The following MTAP variants were observed in gnomAD, a reference collection of about 807,000 sequenced individuals.
The protein encoded by MTAP is S-methyl-5'-thioadenosine phosphorylase.
MTAP carries 33 observed loss-of-function variants against 33.6 expected under a neutral mutation model. That is an observed-to-expected ratio of 0.98 (90% confidence interval 0.74 to 1.31). MTAP has a LOEUF of 1.31. MTAP is among the 40% of genes most tolerant of loss of function. MTAP has a pLI of 0.00. For synonymous variants in MTAP, 148 were observed against 125.7 expected, an observed-to-expected ratio of 1.18 and a Z score of -1.19; for missense variants, 367 against 360.0, an observed-to-expected ratio of 1.02 and a Z score of -0.16.
rs564524597 is a variant in MTAP at position 21,859,533 on chromosome 9, G to GT, written c.813+112dup. ...TCATGTATTTTATGCCAGCCTAGATGTTTTCAACAAGTTTTTGTGACATCT... is the reference window on the plus strand; with the variant it reads ...TCATGTATTTTATGCCAGCCTAGATGTTTTTCAACAAGTTTTTGTGACATCT... On this transcript the variant is annotated intron_variant, in intron 7 of 7. Transcript: ENST00000644715. 644 of 1,313,648 alleles carry GT rather than the reference G, an allele frequency of 4.9e-4. 3 individuals carry two copies. In the African/African-American group the frequency reaches 9.1e-3, roughly 19 times the overall value. The allele number at this position is 1,313,648 out of a possible 1,614,324, so 81.4% of individuals were successfully genotyped here. A position where few individuals can be genotyped will look rare whatever the true frequency, so the allele number is the denominator to read the frequency against.
At chr9:21,807,528 A>T (rs182172637) in intron 1 of MTAP, among the ~76,000 whole-genome samples, 147 of 152,290 alleles carry the variant, frequency 9.7e-4, no homozygotes, top group Non-Finnish European at 3.8e-4. Flanking sequence ...ATTGCAGGAC[A>T]TGGAGTACAA....
chr9:21,877,986 A>C (rs11526324), intron 1 of MTAP, among the ~76,000 whole-genome samples: 35,100 of 151,926 alleles, frequency 0.23, 4,374 homozygotes, highest in East Asian at 0.41. Flanking sequence ...CTGTCTAGAC[A>C]TGAGCTTTTT....
chr9:21,829,929 T>G (rs962473993), intron 4 of MTAP, among the ~76,000 whole-genome samples: 17 of 152,192 alleles, frequency 1.1e-4, no homozygotes, highest in African/African-American at 4.1e-4. Flanking sequence ...GAAAATCTTT[T>G]TTTTTCTTCT....
chr9:21,809,752 A>G lies in MTAP; in HGVS notation c.34-5681A>G, dbSNP rs966842683. 1.1e-4 allele frequency among the ~76,000 whole-genome samples: 16 copies of G among 152,344 alleles called. No homozygotes were observed. The South Asian group carries it at 2.9e-3, about 28-fold the overall frequency. On this transcript the variant is annotated intron_variant, in intron 1 of 7. Transcript: ENST00000644715. ...TTAAAAACAAACTACGCCTTGCCCAACTAATCAGAATCCCTGAGGCCTGGG... is the reference window on the plus strand; with the variant it reads ...TTAAAAACAAACTACGCCTTGCCCAGCTAATCAGAATCCCTGAGGCCTGGG...
At chr9:21,847,186 C>A (rs1825404784) in intron 5 of MTAP, among the ~76,000 whole-genome samples, 1 of 152,194 alleles carries the variant, frequency 6.6e-6, no homozygotes, top group Non-Finnish European at 1.5e-5. Context: ...ATTTTTGGAA[C>A]TCTGACTGGC....
At chr9:21,826,680 T>G (rs1824817060) in intron 4 of MTAP, among the ~76,000 whole-genome samples, 1 of 151,108 alleles carries the variant, frequency 6.6e-6, no homozygotes. Flanking sequence ...TATTGTTCCT[T>G]TACCCCCCCA....
intron 1 of MTAP, among the ~76,000 whole-genome samples, chr9:21,890,064 G>T (rs1056047666): frequency 2.0e-5 from 3 of 152,024 alleles, no homozygotes; most frequent in East Asian, 3.9e-4. Context: ...ACCATCAGGT[G>T]GGGGCAGGAT....
chr9:21,802,797 C>T lies in MTAP; in HGVS notation c.33+16C>T. ...CGCCGTGAAGGTGAGATGAGCCCTC[C>T]CAGCCGCAGCGGTTCGCCCTGCCGG... On this transcript the variant is annotated intron_variant, in intron 1 of 7. Coordinates refer to ENST00000644715, the MANE Select transcript of MTAP (RefSeq NM_002451.4). The T allele has an allele frequency of 1.2e-6, 2 of 1,612,792 alleles. No individual in the cohort carries two copies. The highest frequency in any genetic ancestry group is 1.7e-6 in the Non-Finnish European group (2 of 1,179,698).
intron 1 of MTAP, among the ~76,000 whole-genome samples, chr9:21,885,106 A>G (rs1395070537): frequency 6.6e-6 from 1 of 152,112 alleles, no homozygotes; most frequent in African/African-American, 2.4e-5. Flanking sequence ...TTCATACTTT[A>G]TATATAAATT....
chr9:21,814,207 TTGTG>T (rs1554641802), intron 1 of MTAP, among the ~76,000 whole-genome samples: 1 of 152,202 alleles, frequency 6.6e-6, no homozygotes, highest in Admixed American at 6.5e-5. Context: ...GTTGCTTTTT[TTGTG>T]TGTGTGTTTT....
downstream of MTAP, among the ~76,000 whole-genome samples, chr9:21,869,589 C>A (rs1314956790): frequency 6.6e-6 from 1 of 152,192 alleles, no homozygotes; most frequent in Non-Finnish European, 1.5e-5. Flanking sequence ...TTCCCCTACA[C>A]CTGCTTTCCC....
At chr9:21,910,593 A>G (rs1818556593) in intron 1 of MTAP, among the ~76,000 whole-genome samples, 1 of 152,210 alleles carries the variant, frequency 6.6e-6, no homozygotes, top group African/African-American at 2.4e-5. Flanking sequence ...AAAGAGTAGT[A>G]GGAAATAAAG....
chr9:21,901,132 T>A (rs1465369372), intron 1 of MTAP, among the ~76,000 whole-genome samples: 1 of 152,174 alleles, frequency 6.6e-6, no homozygotes, highest in Non-Finnish European at 1.5e-5. Context: ...AGTTTACCAT[T>A]GTAACACACC....
chr9:21,862,139 T>A lies in MTAP; in HGVS notation c.*125T>A. ...TCATGCCCTTGCCTATCAAAGAGTA[T>A]GTTGTAAGAAAGACAAGACATTGTG... On this transcript the variant is annotated 3_prime_UTR_variant, in exon 8 of 8. Transcript: ENST00000644715. 6.4e-7 allele frequency: 1 copy of A among 1,554,870 alleles called. No individual in the cohort carries two copies. The highest frequency in any genetic ancestry group is 8.7e-7 in the Non-Finnish European group (1 of 1,153,568).
intron 5 of MTAP, among the ~76,000 whole-genome samples, chr9:21,839,317 C>G (rs1389533092): frequency 6.6e-6 from 1 of 151,912 alleles, no homozygotes; most frequent in Non-Finnish European, 1.5e-5. Flanking sequence ...GATTTGCTAT[C>G]CTGGGGGAAA....
At position 21,865,296 on chromosome 9, in the gene MTAP, A is replaced by T. The variant is rs1337597756; in HGVS notation, c.*3282A>T. The stretch of plus-strand genomic sequence containing the variant: ...TCTTCCTGCCATCATGTGAAGAAGG[A>T]CGTGTTTGTTTCCCCTTCTGCCACG... On this transcript the variant is annotated 3_prime_UTR_variant, in exon 8 of 8. Transcript: ENST00000644715. 1 of 458,546 alleles carries T rather than the reference A, an allele frequency of 2.2e-6. No homozygotes were observed. Among genetic ancestry groups the T allele is most frequent in the Non-Finnish European group, 2.9e-6 (1 of 348,830 alleles). 28.4% of individuals were successfully genotyped at this position (458,546 alleles called of 1,614,324 possible).
intron 1 of MTAP, among the ~76,000 whole-genome samples, chr9:21,803,569 T>G (rs557775659): frequency 6.6e-6 from 1 of 152,268 alleles, no homozygotes; most frequent in East Asian, 1.9e-4. Flanking sequence ...AGCTTTGTGC[T>G]GAGGAGGGCA....
At chr9:21,940,532 T>C (rs1031363738), downstream of MTAP, among the ~76,000 whole-genome samples, 19 of 152,218 alleles carry the variant, frequency 1.2e-4, no homozygotes, top group African/African-American at 3.9e-4. Flanking sequence ...TGAATTCTAA[T>C]TTCCTCCAGT....
At chr9:21,851,916 A>G (rs1825521269) in intron 5 of MTAP, among the ~76,000 whole-genome samples, 2 of 152,140 alleles carry the variant, frequency 1.3e-5, no homozygotes, top group Admixed American at 1.3e-4. Flanking sequence ...CAGTTTTGGA[A>G]CTTGGACTGT....
Sources: gnomAD v4.1 joint callset for allele counts (sites outside exome capture counted in the v4.1 genomes callset) on GRCh38, gnomAD v4.1.1 for gene constraint, MANE v1.5 for transcripts, NCBI Gene and HGNC (gene_info 2026-07-23, HGNC 2026-07-21) for gene names.